Variants in CA10 observed in about 807,000 individuals in gnomAD.
CA10 encodes the protein carbonic anhydrase 10 (inactive), also known as carbonic anhydrase-related protein 10.
Under a neutral mutation model 44.2 loss-of-function variants are expected in CA10, and 14 were observed. That is an observed-to-expected ratio of 0.32 (90% CI 0.21 to 0.50). The LOEUF (loss-of-function observed/expected upper bound fraction) is 0.50. Among genes scored for constraint, CA10 ranks in the 20% least tolerant of loss-of-function variants. The probability of loss-of-function intolerance (pLI) is 0.99; values close to 1 mark genes in which losing one functional copy is unlikely to be tolerated. For missense variants in CA10, 350 were observed against 409.7 expected (o/e 0.85, Z 1.26); for synonymous variants, 159 against 141.6 (o/e 1.12, Z -0.87).
intron 3 of CA10, among the ~76,000 whole-genome samples, chr17:51,793,120 C>T (rs757723102): frequency 1.3e-5 from 2 of 152,096 alleles, no homozygotes; most frequent in Non-Finnish European, 2.9e-5. Flanking sequence ...CTCTCTATGG[C>T]CAATGCAGAG....
rs1198339671 is a variant in CA10, at chr17:51,878,920, G to GTA, written c.279+52068_279+52069dup. 4.7e-5 allele frequency among the ~76,000 whole-genome samples: 6 copies of GTA among 127,758 alleles called. 1 individual carries two copies. The highest frequency in any genetic ancestry group is 6.6e-5 in the Non-Finnish European group (4 of 60,916). 83.8% of individuals were successfully genotyped at this position (127,758 alleles called of 152,430 possible). A position where few individuals can be genotyped will look rare whatever the true frequency, so the allele number is the denominator to read the frequency against. On this transcript the variant is annotated intron_variant, in intron 3 of 8. Transcript: ENST00000451037. ...TGTGTGTGTGTGTGTGTGTATGTGT[G>GTA]TATGTGTGTTTGTGTATATATATAT... is the stretch of plus-strand genomic sequence containing the variant.
chr17:52,081,847 TG>T (rs1005951900), intron 1 of CA10, among the ~76,000 whole-genome samples: 32 of 150,550 alleles, frequency 2.1e-4, no homozygotes, highest in African/African-American at 7.5e-4. Flanking sequence ...GGATAAGACT[TG>T]GTAATGAACT....
chr17:52,020,854 G>T (rs1186683014), intron 2 of CA10, among the ~76,000 whole-genome samples: 1 of 151,840 alleles, frequency 6.6e-6, no homozygotes, highest in African/African-American at 2.4e-5. Context: ...CCATCTTTAT[G>T]CCCATGTGTA....
intron 2 of CA10, among the ~76,000 whole-genome samples, chr17:51,978,495 T>C (rs1259077244): frequency 6.6e-6 from 1 of 151,806 alleles, no homozygotes; most frequent in Non-Finnish European, 1.5e-5. Flanking sequence ...CAACTAGATA[T>C]TCATATAGGA....
chr17:51,649,813 G>C (rs1017369300), intron 5 of CA10, among the ~76,000 whole-genome samples: 2 of 150,630 alleles, frequency 1.3e-5, no homozygotes, highest in Non-Finnish European at 2.9e-5. Flanking sequence ...ATGTTAGGAA[G>C]GGGAAATTCA....
chr17:52,007,692 C>CT (rs1241550566), intron 2 of CA10, among the ~76,000 whole-genome samples: 21 of 151,226 alleles, frequency 1.4e-4, no homozygotes, highest in Admixed American at 1.2e-3. Flanking sequence ...ATAGCTTATA[C>CT]TTTTTTTTCC....
Position 51,764,910 on chromosome 17 carries a change from G to A in CA10, c.280-17092C>T, listed in dbSNP as rs960147730. The stretch of plus-strand genomic sequence containing the variant: ...CATTTCTAATAAAGGCAGGCTTACT[G>A]TGAAGGGCCTGCAATATAACTGCTC... On this transcript the variant is annotated intron_variant, in intron 3 of 8. Transcript: ENST00000451037. 5.6e-4 allele frequency among the ~76,000 whole-genome samples: 85 copies of A among 152,316 alleles called. 1 individual carries two copies. Among genetic ancestry groups the A allele is most frequent in the African/African-American group, 2.0e-3 (84 of 41,566 alleles).
chr17:51,999,643 C>T (rs1985354446), intron 2 of CA10, among the ~76,000 whole-genome samples: 1 of 152,136 alleles, frequency 6.6e-6, no homozygotes, highest in African/African-American at 2.4e-5. Flanking sequence ...GATGCCAGCT[C>T]TTCCTGCAGA....
At chr17:51,699,719 G>C (rs1915526166) in intron 4 of CA10, among the ~76,000 whole-genome samples, 1 of 152,134 alleles carries the variant, frequency 6.6e-6, no homozygotes, top group African/African-American at 2.4e-5. Context: ...ATGGTAACGG[G>C]GCATTGCTGA....
At chr17:51,989,196 C>T (rs1436471861) in intron 2 of CA10, among the ~76,000 whole-genome samples, 4 of 148,728 alleles carry the variant, frequency 2.7e-5, no homozygotes, top group Non-Finnish European at 5.9e-5. Flanking sequence ...GGTACAAGTA[C>T]AGGTGGTTTG....
chr17:51,845,781 C>T (rs191682928), intron 3 of CA10, among the ~76,000 whole-genome samples: 14 of 152,296 alleles, frequency 9.2e-5, no homozygotes, highest in African/African-American at 3.4e-4. Context: ...CATATAGGCC[C>T]ATCATCTCTG....
chr17:51,769,128 C>T (rs546031818), intron 3 of CA10, among the ~76,000 whole-genome samples: 64 of 152,214 alleles, frequency 4.2e-4, no homozygotes, highest in African/African-American at 1.2e-3. Context: ...AAACAGCATT[C>T]GGATGACTAA....
intron 2 of CA10, among the ~76,000 whole-genome samples, chr17:52,037,165 A>G (rs1376656979): frequency 6.6e-6 from 1 of 152,146 alleles, no homozygotes; most frequent in Non-Finnish European, 1.5e-5. Flanking sequence ...CAAAAGAAAG[A>G]TCTTGGCTAC....
intron 4 of CA10, among the ~76,000 whole-genome samples, chr17:51,717,206 T>C (rs1006457380): frequency 6.6e-6 from 1 of 152,000 alleles, no homozygotes; most frequent in Non-Finnish European, 1.5e-5. Flanking sequence ...TGCTAGAATT[T>C]TTTAGCATTT....
chr17:51,730,407 C>A (rs557744573), intron 4 of CA10, among the ~76,000 whole-genome samples: 1 of 152,230 alleles, frequency 6.6e-6, no homozygotes, highest in South Asian at 2.1e-4. Flanking sequence ...AGTTGGATTC[C>A]TTTTCTACAC....
At position 51,921,903 on chromosome 17, in the gene CA10, G is replaced by A. The variant is rs369323888; in HGVS notation, c.279+9087C>T. Among the ~76,000 whole-genome samples the A allele has an allele frequency of 2.7e-4, 41 of 152,272 alleles. No individual in the cohort carries two copies. The South Asian group carries it at 6.8e-3, about 25-fold the overall frequency. The stretch of plus-strand genomic sequence containing the variant: ...TGCCTTTTGGGTTTGGGGTACTAGC[G>A]AGGTGGCTCTGAATTCTTCTTCTGT... On this transcript the variant is annotated intron_variant, in intron 3 of 8. Coordinates refer to ENST00000451037, the MANE Select transcript of CA10 (RefSeq NM_020178.5).
intron 3 of CA10, among the ~76,000 whole-genome samples, chr17:51,778,549 T>C (rs1013928919): frequency 3.3e-5 from 5 of 152,220 alleles, no homozygotes; most frequent in Admixed American, 1.3e-4. Flanking sequence ...TTAACTTAGA[T>C]GGGATTGCAG....
intron 3 of CA10, among the ~76,000 whole-genome samples, chr17:51,834,924 A>G (rs1447053888): frequency 2.0e-5 from 3 of 152,214 alleles, no homozygotes; most frequent in Admixed American, 1.3e-4. Flanking sequence ...TGACAATTCT[A>G]TTCGGTCCTC....
At chr17:51,810,223 A>G (rs1907305763) in intron 3 of CA10, among the ~76,000 whole-genome samples, 1 of 152,194 alleles carries the variant, frequency 6.6e-6, no homozygotes. Flanking sequence ...TTTTCATTAG[A>G]ATATAAAATC....
Sources: gnomAD v4.1 joint callset for allele counts (sites outside exome capture counted in the v4.1 genomes callset) on GRCh38, gnomAD v4.1.1 for gene constraint, MANE v1.5 for transcripts, NCBI Gene and HGNC (gene_info 2026-07-23, HGNC 2026-07-21) for gene names.